Variants in GRM8 observed in about 807,000 individuals in gnomAD.
The protein encoded by GRM8 is metabotropic glutamate receptor 8.
GRM8 carries 47 observed loss-of-function variants against 87.2 expected under a neutral mutation model. That is an observed-to-expected ratio of 0.54 (90% CI 0.43 to 0.69). GRM8 has a LOEUF of 0.69. Ranked by LOEUF, GRM8 falls within the 30% of genes least tolerant of loss-of-function variation. The pLI, the probability that GRM8 is intolerant of heterozygous loss-of-function variation, is 0.00. For synonymous variants in GRM8, 396 were observed against 404.5 expected (o/e 0.98, Z 0.25); for missense variants, 1,019 against 1,139.2 (o/e 0.89, Z 1.52).
intron 2 of GRM8, among the ~76,000 whole-genome samples, chr7:127,224,485 A>C (rs1224575481): frequency 6.6e-6 from 1 of 152,246 alleles, no homozygotes; most frequent in East Asian, 1.9e-4. Flanking sequence ...TCTCAGATGA[A>C]GAAAAACTAA....
At chr7:127,038,675 C>T (rs1398459691) in intron 3 of GRM8, among the ~76,000 whole-genome samples, 1 of 152,076 alleles carries the variant, frequency 6.6e-6, no homozygotes, top group Non-Finnish European at 1.5e-5. Context: ...ACCTATAAAA[C>T]TTTAATAAAA....
At chr7:126,598,225 A>T (rs1797401329) in intron 8 of GRM8, among the ~76,000 whole-genome samples, 1 of 151,564 alleles carries the variant, frequency 6.6e-6, no homozygotes. Context: ...GTTTTTTCCT[A>T]TTTTTTTTAT....
intron 7 of GRM8, among the ~76,000 whole-genome samples, chr7:126,725,935 T>C (rs1323586374): frequency 6.6e-6 from 1 of 152,110 alleles, no homozygotes; most frequent in African/African-American, 2.4e-5. Context: ...GCCTAAGCCA[T>C]TCATGAGGGA....
intron 6 of GRM8, among the ~76,000 whole-genome samples, chr7:126,821,046 G>A (rs1019701294): frequency 2.0e-5 from 3 of 152,196 alleles, no homozygotes; most frequent in African/African-American, 7.2e-5. Context: ...AGGTTACAGT[G>A]AGCTGAGATT....
chr7:126,860,146 T>C (rs1304760991), intron 6 of GRM8, among the ~76,000 whole-genome samples: 1 of 152,210 alleles, frequency 6.6e-6, no homozygotes, highest in East Asian at 1.9e-4. Context: ...TGATGGAGCC[T>C]AGATTCCTAT....
chr7:126,927,026 T>G (rs1046711925), intron 3 of GRM8, among the ~76,000 whole-genome samples: 9 of 152,246 alleles, frequency 5.9e-5, no homozygotes, highest in Admixed American at 1.3e-4. Flanking sequence ...GGTAAATACA[T>G]GTTTGTTGGA....
At chr7:126,752,493 T>C (rs577068090) in intron 7 of GRM8, among the ~76,000 whole-genome samples, 2 of 152,188 alleles carry the variant, frequency 1.3e-5, no homozygotes, top group African/African-American at 4.8e-5. Context: ...AAATCAGTAC[T>C]TCCTAACTAC....
intron 6 of GRM8, among the ~76,000 whole-genome samples, chr7:126,823,104 A>T (rs1413765955): frequency 6.6e-6 from 1 of 152,226 alleles, no homozygotes; most frequent in African/African-American, 2.4e-5. Flanking sequence ...TAGGTAAAGA[A>T]TGTCATATGG....
intron 9 of GRM8, among the ~76,000 whole-genome samples, chr7:126,453,312 A>C (rs1802859395): frequency 6.6e-6 from 1 of 151,748 alleles, no homozygotes; most frequent in African/African-American, 2.4e-5. Context: ...TGTTTTCATT[A>C]GTGGAGGTGG....
At chr7:126,460,460 TC>T (rs1219386578) in intron 9 of GRM8, among the ~76,000 whole-genome samples, 2 of 151,580 alleles carry the variant, frequency 1.3e-5, no homozygotes, top group African/African-American at 4.8e-5. Context: ...AATCACAACC[TC>T]AGAAACTGTA....
intron 6 of GRM8, among the ~76,000 whole-genome samples, chr7:126,886,874 A>G (rs1319900749): frequency 6.6e-6 from 1 of 152,140 alleles, no homozygotes; most frequent in African/African-American, 2.4e-5. Context: ...TTAGATGTCT[A>G]TCTAGTGCTT....
intron 9 of GRM8, among the ~76,000 whole-genome samples, chr7:126,451,014 C>T (rs1051012879): frequency 9.2e-5 from 14 of 151,858 alleles, no homozygotes; most frequent in African/African-American, 3.4e-4. Flanking sequence ...AATGCTCTGC[C>T]ACGAATGTTT....
intron 6 of GRM8, among the ~76,000 whole-genome samples, chr7:126,835,839 A>C (rs907296079): frequency 6.6e-6 from 1 of 152,240 alleles, no homozygotes; most frequent in Non-Finnish European, 1.5e-5. Context: ...AAACAACTTC[A>C]AAGTGAGTAC....
chr7:127,046,244 C>T (rs536498223), intron 3 of GRM8, among the ~76,000 whole-genome samples: 11 of 152,012 alleles, frequency 7.2e-5, no homozygotes, highest in African/African-American at 2.2e-4. Context: ...TGGTGGTGGG[C>T]GCCTGTAGTC....
At chr7:127,104,451 C>A (rs554218309) in intron 3 of GRM8, among the ~76,000 whole-genome samples, 12 of 152,110 alleles carry the variant, frequency 7.9e-5, no homozygotes, top group Non-Finnish European at 1.5e-4. Flanking sequence ...TAATTTTCAG[C>A]TATTTTTGTT....
intron 8 of GRM8, among the ~76,000 whole-genome samples, chr7:126,574,521 G>C (rs1794948195): frequency 1.3e-5 from 2 of 152,180 alleles, no homozygotes; most frequent in South Asian, 2.1e-4. Context: ...TAAGGAGTTA[G>C]GGATTTTCCC....
chr7:126,599,435 C>G (rs1261955498), intron 8 of GRM8, among the ~76,000 whole-genome samples: 1 of 152,046 alleles, frequency 6.6e-6, no homozygotes, highest in Non-Finnish European at 1.5e-5. Context: ...GTAAAGATAA[C>G]AGTGCTTTAA....
intron 7 of GRM8, among the ~76,000 whole-genome samples, chr7:126,648,207 C>T (rs1803391804): frequency 6.6e-6 from 1 of 152,048 alleles, no homozygotes; most frequent in African/African-American, 2.4e-5. Flanking sequence ...TCAGTGTCAC[C>T]AAAGAGTCCT....
intron 7 of GRM8, among the ~76,000 whole-genome samples, chr7:126,768,941 AT>A (rs1334869704): frequency 6.7e-6 from 1 of 148,546 alleles, no homozygotes; most frequent in Non-Finnish European, 1.5e-5. Context: ...AAAAAAAAAA[AT>A]AAAGAAGAAG....
Sources: allele counts gnomAD v4.1 joint callset (sites outside exome capture counted in the v4.1 genomes callset), GRCh38; gene constraint gnomAD v4.1.1; transcripts MANE v1.5; gene names NCBI Gene and HGNC (gene_info 2026-07-23, HGNC 2026-07-21).